Variants in CENPK observed in about 807,000 individuals in gnomAD.
CENPK encodes SoxLZ/Sox6-binding protein Solt.
CENPK carries 46 observed loss-of-function variants against 40.9 expected under a neutral mutation model. That is an observed-to-expected ratio of 1.13 (90% CI 0.89 to 1.44). The LOEUF (loss-of-function observed/expected upper bound fraction) is 1.44. Ranked by LOEUF, CENPK falls within the 40% of genes most tolerant of loss-of-function variation. The pLI, the probability that CENPK is intolerant of heterozygous loss-of-function variation, is 0.00. For synonymous variants in CENPK, 107 were observed against 104.4 expected (o/e 1.02, Z -0.15); for missense variants, 288 against 303.5 (o/e 0.95, Z 0.38).
At chr5:65,539,215 A>C (rs951681344) in intron 6 of CENPK, among the ~76,000 whole-genome samples, 2 of 152,236 alleles carry the variant, frequency 1.3e-5, no homozygotes, top group African/African-American at 4.8e-5. Flanking sequence ...ACATGCAAAA[A>C]TACATTCATT....
intron 5 of CENPK, among the ~76,000 whole-genome samples, chr5:65,547,896 C>A (rs71626582): frequency 0.047 from 7,198 of 152,188 alleles, 293 homozygotes; most frequent in African/African-American, 0.1. Flanking sequence ...GATCTCCTGA[C>A]CTCATGATCC....
At chr5:65,527,809 TCAAA>T (rs1744995692) in intron 9 of CENPK, among the ~76,000 whole-genome samples, 1 of 152,110 alleles carries the variant, frequency 6.6e-6, no homozygotes, top group Non-Finnish European at 1.5e-5. Flanking sequence ...TAAATTAGAT[TCAAA>T]CAATTTAATC....
intron 2 of CENPK, among the ~76,000 whole-genome samples, chr5:65,558,644 A>G (rs1751391926): frequency 6.6e-6 from 1 of 152,248 alleles, no homozygotes; most frequent in African/African-American, 2.4e-5. Context: ...ATTCAGTAGT[A>G]GCATTACAGG....
intron 6 of CENPK, chr5:65,541,530 A>G (rs537579289): frequency 2.3e-6 from 1 of 441,464 alleles, no homozygotes; most frequent in Admixed American, 2.4e-5. Flanking sequence ...ACTAGGAAAA[A>G]CACTTTGTTT....
chr5:65,532,910 CAAAAAAAAAAA>C (rs60713724), intron 6 of CENPK, among the ~76,000 whole-genome samples: 43 of 37,014 alleles, frequency 1.2e-3, no homozygotes, highest in South Asian at 2.4e-3. Context: ...ACTCCATCTC[CAAAAAAAAAAA>C]AAAAAAAAAA....
chr5:65,510,776 C>CA, the CENPK span, among the ~76,000 whole-genome samples: 57,694 of 133,366 alleles, frequency 0.43, 11,669 homozygotes, highest in East Asian at 0.64. Flanking sequence ...AACTCCATCT[C>CA]AAAAAAAAAA....
At chr5:65,536,631 A>C (rs1746942888) in intron 6 of CENPK, among the ~76,000 whole-genome samples, 1 of 136,680 alleles carries the variant, frequency 7.3e-6, no homozygotes, top group African/African-American at 2.7e-5. Flanking sequence ...TCAAAGAAAA[A>C]ATATATATAT....
chr5:65,538,851 G>A (rs1027976812), intron 6 of CENPK, among the ~76,000 whole-genome samples: 8 of 152,170 alleles, frequency 5.3e-5, no homozygotes, highest in Admixed American at 3.3e-4. Flanking sequence ...GCAACAGTAA[G>A]CTAAGAAGAT....
At chr5:65,554,715 A>G in intron 3 of CENPK, 82 bp downstream of exon 3, 2 of 799,584 alleles carry the variant, frequency 2.5e-6, no homozygotes, top group Non-Finnish European at 4.3e-6. Context: ...AACTAGCACA[A>G]TCATTTCTTT....
At position 65,518,431 on chromosome 5, in the gene CENPK, T is replaced by C; in HGVS notation, c.*44A>G. 1 of 1,574,140 alleles carries C rather than the reference T, an allele frequency of 6.4e-7. No individual in the cohort carries two copies. The highest frequency in any genetic ancestry group is 8.6e-7 in the Non-Finnish European group (1 of 1,157,596). On this transcript the variant is annotated 3_prime_UTR_variant, in exon 11 of 11. Transcript: ENST00000396679. ...AATAGTCCTGTGGTTCCAATATCCT[T>C]GAATGATAAGAATTTTTACTGTGTG...
At chr5:65,535,016 A>G (rs1746613588) in intron 6 of CENPK, among the ~76,000 whole-genome samples, 1 of 152,214 alleles carries the variant, frequency 6.6e-6, no homozygotes, top group Admixed American at 6.5e-5. Flanking sequence ...CCAGGAGTGC[A>G]TACAAGCCTG....
the CENPK span, among the ~76,000 whole-genome samples, chr5:65,504,484 A>G: frequency 6.7e-6 from 1 of 149,088 alleles, no homozygotes; most frequent in South Asian, 2.1e-4. Context: ...AAAACCCACG[A>G]GTATTTCTCT....
At chr5:65,550,020 T>C (rs1334129964) in intron 5 of CENPK, among the ~76,000 whole-genome samples, 1 of 151,768 alleles carries the variant, frequency 6.6e-6, no homozygotes, top group Non-Finnish European at 1.5e-5. Context: ...ATACAAAAAT[T>C]AGCTGGGTGT....
intron 4 of CENPK, among the ~76,000 whole-genome samples, chr5:65,552,231 C>T (rs967452231): frequency 6.6e-6 from 1 of 152,058 alleles, no homozygotes; most frequent in African/African-American, 2.4e-5. Context: ...GCAATTTACT[C>T]AGTTGTTAAA....
the CENPK span, among the ~76,000 whole-genome samples, chr5:65,496,918 G>A: frequency 3.3e-5 from 5 of 151,760 alleles, no homozygotes; most frequent in South Asian, 2.1e-4. Flanking sequence ...TTAGCCAGGC[G>A]TGGTGGCGGG....
the CENPK span, among the ~76,000 whole-genome samples, chr5:65,510,219 T>G: frequency 6.6e-6 from 1 of 152,072 alleles, no homozygotes; most frequent in African/African-American, 2.4e-5. Flanking sequence ...GTTACCCAAG[T>G]AGTGAATATA....
chr5:65,548,405 A>C (rs755958454), intron 5 of CENPK, among the ~76,000 whole-genome samples: 4 of 152,164 alleles, frequency 2.6e-5, no homozygotes, highest in Non-Finnish European at 5.9e-5. Context: ...GCCTTATCTC[A>C]GTGTTAATGG....
rs1001989973 is a variant in CENPK, at chr5:65,518,563, G to A, written c.722C>T (p.Pro241Leu). 1 of 1,612,488 alleles carries A rather than the reference G, an allele frequency of 6.2e-7. No individual in the cohort carries two copies. The highest frequency in any genetic ancestry group is 8.5e-7 in the Non-Finnish European group (1 of 1,179,010). Residue 241 changes from proline (P) to leucine (L), a missense_variant, in exon 11 of 11, where the codon CCT becomes CTT. Coordinates refer to ENST00000396679, the MANE Select transcript of CENPK (RefSeq NM_022145.5). ...ATTACGCAGCAGCAGCTCAACATAA[G>A]GTGGCCAAAAGGAATCACTAATTTT... ...YVKISDSFWP[P>L]YVELLLRNGI...
chr5:65,558,149 A>C (rs1751301898), intron 2 of CENPK, among the ~76,000 whole-genome samples: 1 of 152,018 alleles, frequency 6.6e-6, no homozygotes, highest in South Asian at 2.1e-4. Flanking sequence ...AAACAAAAAG[A>C]AAACACACAC....
Sources: allele counts gnomAD v4.1 joint callset (sites outside exome capture counted in the v4.1 genomes callset), GRCh38; gene constraint gnomAD v4.1.1; transcripts MANE v1.5; gene names NCBI Gene and HGNC (gene_info 2026-07-23, HGNC 2026-07-21).